DNAH9: variants seen among roughly 807,000 people sequenced by gnomAD.
DNAH9 encodes dynein axonemal heavy chain 9.
DNAH9 carries 345 observed loss-of-function variants against 471.6 expected under a neutral mutation model. That is an observed-to-expected ratio of 0.73 (90% CI 0.67 to 0.80). DNAH9 has a LOEUF of 0.80. Among genes scored for constraint, DNAH9 ranks in the 30% least tolerant of loss-of-function variants. The pLI, the probability that DNAH9 is intolerant of heterozygous loss-of-function variation, is 0.00. For missense variants in DNAH9, 5,407 were observed against 5,609.2 expected, an observed-to-expected ratio of 0.96 and a Z score of 1.15; for synonymous variants, 2,093 against 2,123.6, an observed-to-expected ratio of 0.99 and a Z score of 0.40.
At chr17:11,782,503 T>A (rs897218974) in intron 39 of DNAH9, among the ~76,000 whole-genome samples, 2 of 152,166 alleles carry the variant, frequency 1.3e-5, no homozygotes, top group African/African-American at 4.8e-5. Context: ...TCCTGTTACA[T>A]CTTACCTAAG....
At chr17:11,762,799 A>C (rs1967767112) in intron 35 of DNAH9, among the ~76,000 whole-genome samples, 1 of 36,038 alleles carries the variant, frequency 2.8e-5, no homozygotes, top group Non-Finnish European at 6.5e-5. Flanking sequence ...TTTTTTTTTG[A>C]GATGGAGTCT....
intron 15 of DNAH9, among the ~76,000 whole-genome samples, chr17:11,665,601 A>G (rs764590561): frequency 5.3e-5 from 8 of 152,258 alleles, no homozygotes; most frequent in Non-Finnish European, 1.2e-4. Flanking sequence ...AGAGTGAAAG[A>G]TACAGAAAGG....
chr17:11,868,763 A>C (rs1203534107), intron 50 of DNAH9, among the ~76,000 whole-genome samples: 1 of 151,944 alleles, frequency 6.6e-6, no homozygotes, highest in Non-Finnish European at 1.5e-5. Flanking sequence ...ATTTTTCTCC[A>C]ACTCAAGCAG....
In DNAH9 at chr17:11,647,130, A is replaced by T; in HGVS notation, c.2029A>T (p.Asn677Tyr). ...GACAGTATCAGAGAAGTCACAGTAC[A>T]ATCTTTCCCAACCACTTCTAAAACG... is the stretch of plus-strand genomic sequence containing the variant. ...CRTVSEKSQY[N>Y]LSQPLLKRDP... The change falls in exon 12 of 69, where the codon AAT becomes TAT. Residue 677 changes from asparagine to tyrosine, a missense_variant. Transcript: ENST00000262442. 1.2e-6 allele frequency: 2 copies of T among 1,614,008 alleles called. No individual in the cohort carries two copies. The highest frequency in any genetic ancestry group is 2.7e-5 in the African/African-American group (2 of 75,016).
chr17:11,732,726 A>G (rs1407130545), intron 28 of DNAH9, among the ~76,000 whole-genome samples: 1 of 152,176 alleles, frequency 6.6e-6, no homozygotes. Flanking sequence ...TACTATTGCA[A>G]TCAGCTGTCT....
intron 1 of DNAH9, among the ~76,000 whole-genome samples, chr17:11,602,774 T>A (rs2072413102): frequency 6.6e-6 from 1 of 152,180 alleles, no homozygotes; most frequent in Admixed American, 6.5e-5. Flanking sequence ...GCCCCTCCCA[T>A]GGCCATTTCC....
At chr17:11,781,351 A>G (rs1001113678) in intron 39 of DNAH9, among the ~76,000 whole-genome samples, 177 bp downstream of exon 39, 10 of 152,246 alleles carry the variant, frequency 6.6e-5, no homozygotes, top group Non-Finnish European at 1.3e-4. Flanking sequence ...TGGTTCCTTC[A>G]AACAGGAGCA....
At chr17:11,899,578 T>A (rs950159268) in intron 59 of DNAH9, among the ~76,000 whole-genome samples, 14 of 152,242 alleles carry the variant, frequency 9.2e-5, no homozygotes, top group African/African-American at 3.1e-4. Context: ...GTATTCAATC[T>A]AGAGCTTCAA....
chr17:11,775,451 A>G (rs1308868501), intron 38 of DNAH9, among the ~76,000 whole-genome samples: 1 of 152,102 alleles, frequency 6.6e-6, no homozygotes, highest in Non-Finnish European at 1.5e-5. Context: ...AACAGAAATA[A>G]TGTTTTGGGA....
intron 49 of DNAH9, among the ~76,000 whole-genome samples, chr17:11,845,734 A>AT (rs1321288596): frequency 1.4e-5 from 2 of 138,254 alleles, no homozygotes; most frequent in African/African-American, 5.6e-5. Context: ...TGTGGTTTTG[A>AT]TTTTCATTGC....
chr17:11,861,335 C>T (rs532084136), intron 50 of DNAH9, among the ~76,000 whole-genome samples: 1 of 151,642 alleles, frequency 6.6e-6, no homozygotes, highest in African/African-American at 2.4e-5. Context: ...TCATCCATGT[C>T]CCTACAAAGG....
Position 11,664,953 on chromosome 17 carries a change from C to T in DNAH9, c.2716C>T (p.Leu906Phe), listed in dbSNP as rs1307398553. ...FLAIECSLKYLLENTECKAGL... is the reference protein window; with the variant it reads ...FLAIECSLKYFLENTECKAGL... ...TGCCATTGAGTGCTCCCTCAAGTAT[C>T]TTCTGGAAAATACTGGTACTTACTG... The change falls in exon 15 of 69, where the codon CTT becomes TTT. Residue 906 changes from leucine to phenylalanine, a missense_variant. Physicochemically the swap from Leu to Phe is conservative, Grantham distance 22. Coordinates refer to ENST00000262442, the MANE Select transcript of DNAH9 (RefSeq NM_001372.4). The T allele has an allele frequency of 6.2e-7, 1 of 1,613,130 alleles. No homozygotes were observed. The highest frequency in any genetic ancestry group is 1.1e-5 in the South Asian group (1 of 90,952).
intron 20 of DNAH9, among the ~76,000 whole-genome samples, chr17:11,690,725 A>T (rs76309230): frequency 2.0e-5 from 3 of 152,052 alleles, no homozygotes; most frequent in Non-Finnish European, 4.4e-5. Flanking sequence ...TTAAAAAAAA[A>T]TACTGGCTAC....
At chr17:11,635,187 G>A (rs540936347) in intron 8 of DNAH9, among the ~76,000 whole-genome samples, 53 of 151,822 alleles carry the variant, frequency 3.5e-4, no homozygotes, top group African/African-American at 1.2e-3. Flanking sequence ...TTATTTTTGA[G>A]ACAGAGTCTT....
At chr17:11,697,954 C>A (rs2074504689) in intron 22 of DNAH9, among the ~76,000 whole-genome samples, 1 of 150,394 alleles carries the variant, frequency 6.6e-6, no homozygotes, top group African/African-American at 2.4e-5. Flanking sequence ...GGTGATGGTT[C>A]ACAAATTGAT....
chr17:11,693,814 C>A (rs2074379508), intron 20 of DNAH9, 54 bp from the exon 21 acceptor site: 1 of 1,604,776 alleles, frequency 6.2e-7, no homozygotes, highest in East Asian at 2.2e-5. Flanking sequence ...ATGGAGGGAG[C>A]TTCTAGGAAC....
intron 2 of DNAH9, among the ~76,000 whole-genome samples, chr17:11,608,968 T>C (rs1006705986): frequency 6.6e-6 from 1 of 152,194 alleles, no homozygotes; most frequent in East Asian, 1.9e-4. Context: ...GAGTTTTCTT[T>C]GTTTCTATCC....
At chr17:11,613,157 G>GGACC (rs1363473453) in intron 4 of DNAH9, among the ~76,000 whole-genome samples, 1 of 152,144 alleles carries the variant, frequency 6.6e-6, no homozygotes, top group East Asian at 1.9e-4. Context: ...GGCTGGCTTG[G>GGACC]GACCAAGTGT....
chr17:11,741,167 A>G (rs1417625830), intron 29 of DNAH9, among the ~76,000 whole-genome samples: 1 of 152,220 alleles, frequency 6.6e-6, no homozygotes, highest in East Asian at 1.9e-4. Flanking sequence ...ATGTGCTCGA[A>G]TGAAATGTTT....
Sources: allele counts gnomAD v4.1 joint callset (sites outside exome capture counted in the v4.1 genomes callset), GRCh38; gene constraint gnomAD v4.1.1; transcripts MANE v1.5; gene names NCBI Gene and HGNC (gene_info 2026-07-23, HGNC 2026-07-21).